JAK1: variants seen among roughly 807,000 people sequenced by gnomAD.
JAK1 encodes the protein Janus kinase 1.
In JAK1, 16 loss-of-function variants were observed where a neutral mutation model predicts 136.6. The observed-to-expected ratio is 0.12, with a 90% CI of 0.08 to 0.18. JAK1 has a LOEUF of 0.18. Ranked by LOEUF, JAK1 falls within the 10% of genes least tolerant of loss-of-function variation. The pLI is 1.00. For missense variants in JAK1, 859 were observed against 1,450.1 expected (o/e 0.59, Z 6.62); for synonymous variants, 492 against 519.5 (o/e 0.95, Z 0.72).
intron 1 of JAK1, among the ~76,000 whole-genome samples, chr1:65,062,099 T>C (rs1647818569): frequency 6.6e-6 from 1 of 152,102 alleles, no homozygotes; most frequent in Admixed American, 6.5e-5. Flanking sequence ...TTCTTCCTCA[T>C]GTTGACCAAG....
chr1:64,916,585 C>T (rs942213194), intron 1 of JAK1, among the ~76,000 whole-genome samples: 1 of 152,064 alleles, frequency 6.6e-6, no homozygotes. Flanking sequence ...TGACTATAAT[C>T]CCAGCATTTT....
intron 2 of JAK1, chr1:64,985,405 C>T (rs1051123738): frequency 1.2e-6 from 2 of 1,610,270 alleles, no homozygotes; most frequent in East Asian, 4.5e-5. Context: ...TCCTGGGTGC[C>T]CCACAACCAC....
At position 64,850,829 on chromosome 1, in the gene JAK1, C is replaced by T. The variant is rs1655540494; in HGVS notation, c.1730G>A (p.Arg577Gln). The T allele has an allele frequency of 6.2e-7, 1 of 1,613,818 alleles. No individual in the cohort carries two copies. Among genetic ancestry groups the T allele is most frequent in the Non-Finnish European group, 8.5e-7 (1 of 1,179,706 alleles). The change falls in exon 12 of 25, where the codon CGG becomes CAG. Residue 577 changes from arginine (R) to glutamine (Q), a missense_variant. This residue lies in a region of JAK1 where 409 missense variants were observed against 753.8 expected (regional missense o/e 0.54). Coordinates refer to ENST00000342505, the MANE Select transcript of JAK1 (RefSeq NM_002227.4). ...CTGCACCAGATCCTTCTTGAGGATC[C>T]GATCGAAACTCAGCTGGCTCATGGG... The part of the protein sequence containing the change: ...VYPMSQLSFD[R>Q]ILKKDLVQGE...
At position 64,891,768 on chromosome 1, in the gene JAK1, C is replaced by T. The variant is rs373964435; in HGVS notation, c.-77-5427G>A. 2.2e-4 allele frequency among the ~76,000 whole-genome samples: 33 copies of T among 152,334 alleles called. No homozygotes were observed. In the East Asian group the frequency reaches 4.8e-3, roughly 22 times the overall value. On this transcript the variant is annotated intron_variant, in intron 1 of 24. Coordinates refer to ENST00000342505, the MANE Select transcript of JAK1 (RefSeq NM_002227.4). Reference sequence around the variant, plus strand: ...CCAAAAGGACGACATCATATAAATACAAAATCTGCTATTTTTCCTGTCAGG... The same window carrying T: ...CCAAAAGGACGACATCATATAAATATAAAATCTGCTATTTTTCCTGTCAGG...
intron 2 of JAK1, among the ~76,000 whole-genome samples, chr1:64,981,639 G>A: frequency 6.6e-6 from 1 of 152,170 alleles, no homozygotes; most frequent in East Asian, 1.9e-4. Flanking sequence ...GATGGCTGGA[G>A]ATGTCCACTC....
At chr1:64,900,473 A>C (rs1428390677) in intron 1 of JAK1, among the ~76,000 whole-genome samples, 2 of 152,178 alleles carry the variant, frequency 1.3e-5, no homozygotes, top group Non-Finnish European at 2.9e-5. Flanking sequence ...AACAAGACTT[A>C]GAAGGCAGGC....
intron 1 of JAK1, chr1:65,067,481 G>C (rs1274030020): frequency 6.8e-6 from 1 of 146,780 alleles, no homozygotes; most frequent in Non-Finnish European, 1.5e-5. Flanking sequence ...GCGCGCACTC[G>C]GACGTCCACA....
intron 2 of JAK1, among the ~76,000 whole-genome samples, chr1:65,001,349 G>A (rs1646754766): frequency 6.6e-6 from 1 of 152,178 alleles, no homozygotes; most frequent in Non-Finnish European, 1.5e-5. Context: ...GAGGCCTCCT[G>A]CGGAGCTGGG....
rs929891149 is a variant in JAK1, at chr1:64,982,316, G to A, written c.-78+62164C>T. Among the ~76,000 whole-genome samples the A allele has an allele frequency of 2.0e-4, 30 of 152,266 alleles. 5 individuals are homozygous for A. The highest frequency in any genetic ancestry group is 3.3e-4 in the Admixed American group (5 of 15,292). On this transcript the variant is annotated intron_variant, in intron 2 of 25. Coordinates refer to the JAK1 transcript ENST00000671954. ...TCTTTTAACTGAGTTAACGCATTAT[G>A]TGATTTGGGAGGGGCATTAGCTGAC...
chr1:64,904,412 C>T (rs969746506), intron 1 of JAK1, among the ~76,000 whole-genome samples: 4 of 152,100 alleles, frequency 2.6e-5, no homozygotes, highest in South Asian at 2.1e-4. Flanking sequence ...AAATGAGGGT[C>T]CATAGTGAAA....
chr1:64,945,253 T>C (rs915451901), intron 1 of JAK1, among the ~76,000 whole-genome samples: 1 of 151,992 alleles, frequency 6.6e-6, no homozygotes, highest in African/African-American at 2.4e-5. Flanking sequence ...AATATGTAAA[T>C]TTCAAGGCAT....
chr1:64,965,844 G>A (rs979466445), intron 1 of JAK1, among the ~76,000 whole-genome samples: 3 of 151,948 alleles, frequency 2.0e-5, no homozygotes, highest in Non-Finnish European at 4.4e-5. Context: ...GAGACCGCAA[G>A]GAAGGAAAAA....
Position 64,841,122 on chromosome 1 carries a change from C to G in JAK1, c.2649+123G>C, listed in dbSNP as rs929733496. On this transcript the variant is annotated intron_variant, in intron 19 of 24. Transcript: ENST00000342505. ...AGTGGCCCCCAAATGCAGTAAGGTG[C>G]TTTCGCTCATGGACCTGGCCCCAGA... 5.5e-6 allele frequency: 4 copies of G among 721,568 alleles called. No individual in the cohort carries two copies. The African/African-American group carries it at 7.1e-5, about 13-fold the overall frequency. 44.7% of individuals were successfully genotyped at this position (721,568 alleles called of 1,614,324 possible).
chr1:65,028,712 T>C (rs1646998736), intron 2 of JAK1, among the ~76,000 whole-genome samples: 1 of 152,234 alleles, frequency 6.6e-6, no homozygotes, highest in South Asian at 2.1e-4. Flanking sequence ...TTGTATTCTT[T>C]TTATCAGATA....
chr1:65,002,770 C>T (rs1170764292), intron 2 of JAK1, among the ~76,000 whole-genome samples: 1 of 152,220 alleles, frequency 6.6e-6, no homozygotes, highest in Non-Finnish European at 1.5e-5. Context: ...GACTTCCCCG[C>T]CACGATCGAT....
chr1:64,871,531 A>C (rs1414694562), intron 5 of JAK1, among the ~76,000 whole-genome samples: 1 of 152,152 alleles, frequency 6.6e-6, no homozygotes, highest in Non-Finnish European at 1.5e-5. Context: ...TTTCACAGGC[A>C]TCTCCGAAAA....
At position 64,994,477 on chromosome 1, in the gene JAK1, C is replaced by T. The variant is rs565861379; in HGVS notation, c.-78+50003G>A. Among the ~76,000 whole-genome samples the T allele has an allele frequency of 3.9e-5, 6 of 152,216 alleles. No individual in the cohort carries two copies. In the South Asian group the frequency reaches 1.2e-3, roughly 32 times the overall value. The stretch of plus-strand genomic sequence containing the variant: ...GTTCTGGAGGCTGGGATGTCAGTGT[C>T]GAGGGCTCTTCTGCTGCATCTTACC... On this transcript the variant is annotated intron_variant, in intron 2 of 25. Coordinates refer to the JAK1 transcript ENST00000671954.
At chr1:64,879,811 G>A (rs1644741744) in intron 3 of JAK1, among the ~76,000 whole-genome samples, 1 of 152,088 alleles carries the variant, frequency 6.6e-6, no homozygotes, top group Admixed American at 6.5e-5. Flanking sequence ...TGGCCCAACA[G>A]TGCTCCCCTG....
At chr1:64,899,782 T>A (rs1645076815) in intron 1 of JAK1, among the ~76,000 whole-genome samples, 2 of 152,290 alleles carry the variant, frequency 1.3e-5, no homozygotes, top group South Asian at 4.1e-4. Context: ...ACAATTTAGC[T>A]CCACTTTCAA....
Sources: allele counts gnomAD v4.1 joint callset (sites outside exome capture counted in the v4.1 genomes callset), GRCh38; gene constraint gnomAD v4.1.1; regional missense constraint gnomAD v4.1.1; transcripts MANE v1.5; gene names NCBI Gene and HGNC (gene_info 2026-07-23, HGNC 2026-07-21).